Variants in GJA1 observed in about 807,000 individuals in gnomAD.
The protein encoded by GJA1 is gap junction alpha-1 protein.
A neutral mutation model predicts 31.0 loss-of-function variants in GJA1; 9 were observed. The observed-to-expected ratio is 0.29, with a 90% confidence interval of 0.17 to 0.51. The LOEUF (loss-of-function observed/expected upper bound fraction) is 0.51, where lower values mean the gene tolerates loss of function less well. GJA1 is among the 20% of genes least tolerant of loss of function. GJA1 has a pLI of 0.98. For missense variants in GJA1, 278 were observed against 468.8 expected (o/e 0.59, Z 3.76); for synonymous variants, 186 against 180.1 (o/e 1.03, Z -0.26).
chr6:121,443,143 C>T (rs1441889392), intron 1 of GJA1, among the ~76,000 whole-genome samples: 2 of 152,122 alleles, frequency 1.3e-5, no homozygotes, highest in African/African-American at 4.8e-5. Flanking sequence ...AGGGTATTAA[C>T]TTACCATACA....
chr6:121,446,686 AAG>A (rs1773894626), intron 1 of GJA1, 144 bp from the exon 2 acceptor site: 1 of 698,494 alleles, frequency 1.4e-6, no homozygotes, highest in African/African-American at 1.8e-5. Flanking sequence ...ATGGGACAGG[AAG>A]AGTTTGCACT....
chr6:121,446,707 T>C, intron 1 of GJA1, 125 bp from the exon 2 acceptor site: 1 of 766,066 alleles, frequency 1.3e-6, no homozygotes. Flanking sequence ...CTTGGTTTTT[T>C]GTGAAAGAAT....
At position 121,448,466 on chromosome 6, in the gene GJA1, C is replaced by T; in HGVS notation, c.*470C>T. The T allele has an allele frequency of 5.3e-6, 1 of 187,510 alleles. No homozygotes were observed. The highest frequency in any genetic ancestry group is 5.4e-5 in the Admixed American group (1 of 18,424). The allele number at this position is 187,510 out of a possible 1,614,324, so 11.6% of individuals were successfully genotyped here. ...AAGACAGAGGATTGTCCTTAAGTCCCTGCTAAAACATTCCATTGTTAAAAT... is the reference window on the plus strand; with the variant it reads ...AAGACAGAGGATTGTCCTTAAGTCCTTGCTAAAACATTCCATTGTTAAAAT... On this transcript the variant is annotated 3_prime_UTR_variant, in exon 2 of 2. Transcript: ENST00000282561.
intron 1 of GJA1, among the ~76,000 whole-genome samples, chr6:121,439,847 T>A (rs1773736782): frequency 6.6e-6 from 1 of 152,162 alleles, no homozygotes; most frequent in Non-Finnish European, 1.5e-5. Flanking sequence ...ATAAATATAT[T>A]TTTACATACA....
intron 1 of GJA1, among the ~76,000 whole-genome samples, chr6:121,444,746 T>A (rs1284774660): frequency 6.6e-6 from 1 of 152,240 alleles, no homozygotes; most frequent in Non-Finnish European, 1.5e-5. Context: ...TCCTGCAAAG[T>A]CTTAGCTTTG....
intron 1 of GJA1, among the ~76,000 whole-genome samples, chr6:121,444,255 T>C (rs1773846570): frequency 6.6e-6 from 1 of 152,190 alleles, no homozygotes. Context: ...AACTTGTCAC[T>C]TCAGAATCTA....
chr6:121,445,573 T>C (rs1053115050), intron 1 of GJA1, among the ~76,000 whole-genome samples: 5 of 113,312 alleles, frequency 4.4e-5, no homozygotes, highest in African/African-American at 1.4e-4. Context: ...CTTTAAAGTA[T>C]ATAACAATGA....
chr6:121,437,020 G>A (rs773312621), intron 1 of GJA1, among the ~76,000 whole-genome samples: 1 of 152,250 alleles, frequency 6.6e-6, no homozygotes, highest in Non-Finnish European at 1.5e-5. Flanking sequence ...ACCCTGCAGT[G>A]GAAGTATTTG....
rs774369402 is a variant in GJA1 at position 121,447,861 on chromosome 6, C to G, written c.1014C>G (p.Pro338=). ...SNSHAQPFDF[P]DDNQNSKKLA... ...CCCATGCACAGCCTTTTGATTTCCC[C>G]GATGATAACCAGAATTCTAAAAAAC... The change falls in exon 2 of 2, where the codon CCC becomes CCG. Residue 338 remains proline (P), a synonymous_variant. Coordinates refer to ENST00000282561, the MANE Select transcript of GJA1 (RefSeq NM_000165.5). 2 of 1,613,804 alleles carry G rather than the reference C, an allele frequency of 1.2e-6. No homozygotes were observed. Among genetic ancestry groups the G allele is most frequent in the South Asian group, 1.1e-5 (1 of 91,072 alleles).
At chr6:121,436,626 G>T (rs1363203108) in intron 1 of GJA1, among the ~76,000 whole-genome samples, 1 of 152,152 alleles carries the variant, frequency 6.6e-6, no homozygotes, top group Non-Finnish European at 1.5e-5. Flanking sequence ...GAGCATTAGA[G>T]ATCAGACGTT....
At chr6:121,443,369 C>T (rs199798378) in intron 1 of GJA1, among the ~76,000 whole-genome samples, 4 of 152,074 alleles carry the variant, frequency 2.6e-5, no homozygotes, top group African/African-American at 4.8e-5. Flanking sequence ...ACAGGATACT[C>T]GGTGTCCAAT....
At chr6:121,442,236 A>G (rs1290526793) in intron 1 of GJA1, among the ~76,000 whole-genome samples, 5 of 152,196 alleles carry the variant, frequency 3.3e-5, no homozygotes, top group African/African-American at 1.2e-4. Flanking sequence ...TCTTGAGAAA[A>G]ATATTTAAAG....
At chr6:121,436,184 T>TGGAG (rs201190467) in intron 1 of GJA1, among the ~76,000 whole-genome samples, 4 of 29,854 alleles carry the variant, frequency 1.3e-4, no homozygotes, top group Non-Finnish European at 3.0e-4. Flanking sequence ...ATTTGTTGGG[T>TGGAG]GGGGGGGGGG....
chr6:121,447,570 G>A lies in GJA1; in HGVS notation c.723G>A (p.Lys241=). The A allele has an allele frequency of 6.2e-7, 1 of 1,614,046 alleles. No individual in the cohort carries two copies. ...TCAAGGGCGTTAAGGATCGGGTTAA[G>A]GGAAAGAGCGACCCTTACCATGCGA... ...VFFKGVKDRV[K]GKSDPYHATS... is the part of the protein sequence containing the mutation. Residue 241 remains lysine, a synonymous_variant, in exon 2 of 2, where the codon AAG becomes AAA. Coordinates refer to ENST00000282561, the MANE Select transcript of GJA1 (RefSeq NM_000165.5).
At chr6:121,440,623 CAA>C (rs1432813034) in intron 1 of GJA1, among the ~76,000 whole-genome samples, 1 of 148,434 alleles carries the variant, frequency 6.7e-6, no homozygotes. Context: ...AAGAGAATCC[CAA>C]AGAGACAGAA....
At chr6:121,443,627 T>C (rs138742803) in intron 1 of GJA1, among the ~76,000 whole-genome samples, 2 of 152,286 alleles carry the variant, frequency 1.3e-5, no homozygotes, top group Non-Finnish European at 2.9e-5. Flanking sequence ...AAGACTATAC[T>C]TTCAGGGATC....
intron 1 of GJA1, among the ~76,000 whole-genome samples, chr6:121,440,916 TTG>T (rs1380189972): frequency 8.7e-5 from 8 of 91,784 alleles, no homozygotes; most frequent in African/African-American, 6.6e-4. Flanking sequence ...TACTTTTTTG[TTG>T]TTGTTGTTGT....
chr6:121,444,804 A>T (rs1341287333), intron 1 of GJA1, among the ~76,000 whole-genome samples: 1 of 152,118 alleles, frequency 6.6e-6, no homozygotes, highest in East Asian at 1.9e-4. Flanking sequence ...TCCTTTTCTA[A>T]ATCCTCCAAT....
At chr6:121,440,359 CCTTTTTT>C (rs1299175342) in intron 1 of GJA1, among the ~76,000 whole-genome samples, 1 of 152,060 alleles carries the variant, frequency 6.6e-6, no homozygotes, top group Non-Finnish European at 1.5e-5. Context: ...TGTTAAAAAG[CCTTTTTT>C]CTTTTTTCTT....
Sources: gnomAD v4.1 joint callset for allele counts (sites outside exome capture counted in the v4.1 genomes callset) on GRCh38, gnomAD v4.1.1 for gene constraint, MANE v1.5 for transcripts, NCBI Gene and HGNC (gene_info 2026-07-23, HGNC 2026-07-21) for gene names.